SUN1: variants seen among roughly 807,000 people sequenced by gnomAD.
SUN1 encodes SUN domain-containing protein 1.
In SUN1, 61 loss-of-function variants were observed where a neutral mutation model predicts 103.2. That is an observed-to-expected ratio of 0.59 (90% CI 0.48 to 0.73). The LOEUF (loss-of-function observed/expected upper bound fraction) is 0.73, where lower values mean the gene tolerates loss of function less well. SUN1 is among the 30% of genes least tolerant of loss of function. The probability of loss-of-function intolerance (pLI) is 0.00; values close to 1 mark genes in which losing one functional copy is unlikely to be tolerated. For synonymous variants in SUN1, 490 were observed against 425.7 expected (o/e 1.15, Z -1.86); for missense variants, 1,052 against 1,034.6 (o/e 1.02, Z -0.23).
upstream of SUN1, among the ~76,000 whole-genome samples, chr7:828,514 T>C (rs778767976): frequency 3.9e-5 from 6 of 152,116 alleles, no homozygotes; most frequent in Non-Finnish European, 5.9e-5. Context: ...TCAGGTGGTC[T>C]GCCTGCCTCT....
At chr7:822,490 C>T (rs141575547) in intron 1 of SUN1, among the ~76,000 whole-genome samples, 1 of 152,172 alleles carries the variant, frequency 6.6e-6, no homozygotes, top group Non-Finnish European at 1.5e-5. Flanking sequence ...AGACACCCCT[C>T]GGGCATGTGT....
In SUN1 at chr7:873,396, T is replaced by C; in HGVS notation, c.*65T>C. 3 of 1,405,064 alleles carry C rather than the reference T, an allele frequency of 2.1e-6. No individual in the cohort carries two copies. The highest frequency in any genetic ancestry group is 1.2e-5 in the South Asian group (1 of 86,644). The allele number at this position is 1,405,064 out of a possible 1,614,324, so 87.0% of individuals were successfully genotyped here. A position where few individuals can be genotyped will look rare whatever the true frequency, so the allele number is the denominator to read the frequency against. On this transcript the variant is annotated 3_prime_UTR_variant, in exon 19 of 19. Transcript: ENST00000401592. ...GGGACAGCGTGAAACACTGGAATCC[T>C]TCATGGACGAGGGCATATACAATGA...
At chr7:858,653 A>C (rs374674386) in intron 13 of SUN1, among the ~76,000 whole-genome samples, 3 of 152,178 alleles carry the variant, frequency 2.0e-5, no homozygotes, top group Non-Finnish European at 2.9e-5. Flanking sequence ...TATCATAGAC[A>C]TTGCTTCAAG....
intron 1 of SUN1, among the ~76,000 whole-genome samples, chr7:822,159 A>G (rs1490837850): frequency 1.3e-5 from 2 of 152,202 alleles, no homozygotes; most frequent in Non-Finnish European, 2.9e-5. Context: ...ACAGAAAATG[A>G]TGTTGCTTCT....
chr7:822,438 A>T (rs988134923), intron 1 of SUN1, among the ~76,000 whole-genome samples: 2 of 152,214 alleles, frequency 1.3e-5, no homozygotes, highest in South Asian at 2.1e-4. Context: ...CGTGGATGTC[A>T]TCACATCCAG....
chr7:845,484 A>T (rs1159956166), intron 5 of SUN1, among the ~76,000 whole-genome samples: 1 of 152,154 alleles, frequency 6.6e-6, no homozygotes, highest in East Asian at 1.9e-4. Context: ...ATCAAAGAAC[A>T]TTGGAAAATC....
rs1183061993 is a variant in SUN1 at position 873,526 on chromosome 7, G to A, written c.*195G>A. 1 of 561,416 alleles carries A rather than the reference G, an allele frequency of 1.8e-6. No homozygotes were observed. The highest frequency in any genetic ancestry group is 3.1e-6 in the Non-Finnish European group (1 of 317,476). 34.8% of individuals were successfully genotyped at this position (561,416 alleles called of 1,614,324 possible). On this transcript the variant is annotated 3_prime_UTR_variant, in exon 19 of 19. Transcript: ENST00000401592. ...CTGTTGGGTGCTCACTGCCTCTGCA[G>A]GTGCAGAGGGGTCAGCAGCAGGAGA... is the stretch of plus-strand genomic sequence containing the variant.
At chr7:863,296 G>A (rs1373937751) in intron 15 of SUN1, among the ~76,000 whole-genome samples, 1 of 151,948 alleles carries the variant, frequency 6.6e-6, no homozygotes, top group African/African-American at 2.4e-5. Flanking sequence ...TCCCGAGCTC[G>A]CCCTTGCTGC....
intron 1 of SUN1, among the ~76,000 whole-genome samples, chr7:835,197 G>GC (rs1205209006): frequency 6.6e-6 from 1 of 152,134 alleles, no homozygotes; most frequent in Non-Finnish European, 1.5e-5. Context: ...CGGGTCTTCC[G>GC]CCCCCACCCA....
chr7:849,410 G>T (rs1257211011), intron 5 of SUN1: 3 of 790,200 alleles, frequency 3.8e-6, no homozygotes, highest in Non-Finnish European at 5.7e-6. Flanking sequence ...GAACTCTGTG[G>T]AAGTGGCTAG....
intron 1 of SUN1, among the ~76,000 whole-genome samples, chr7:838,439 A>G (rs560473738): frequency 1.7e-3 from 256 of 152,318 alleles, no homozygotes; most frequent in South Asian, 6.8e-3. Context: ...ACGTCCGCGT[A>G]GTGTTGACGA....
rs1843486774 is a variant in SUN1, at chr7:874,892, TTTTAAAAGGGCATGGGA to T, written c.*1563_*1579del. On this transcript the variant is annotated 3_prime_UTR_variant, in exon 19 of 19. Transcript: ENST00000401592. ...AGAGGTTTAAATAAAGAGTTTTAATTTTTAAAAGGGCATGGGATATAAACAGTCTATTTCTTTTCTCA... is the reference window on the plus strand; with the variant it reads ...AGAGGTTTAAATAAAGAGTTTTAATTTATAAACAGTCTATTTCTTTTCTCA... 2 of 152,234 alleles carry T rather than the reference TTTTAAAAGGGCATGGGA, an allele frequency of 1.3e-5. No homozygotes were observed. Among genetic ancestry groups the T allele is most frequent in the Non-Finnish European group, 2.9e-5 (2 of 68,038 alleles). 9.4% of individuals were successfully genotyped at this position (152,234 alleles called of 1,614,324 possible).
exon 1 of SUN1, chr7:816,623 T>G (rs1275029151): frequency 1.6e-5 from 6 of 382,376 alleles, no homozygotes. Context: ...GCAGAGCGTC[T>G]TCTCGGGCCT....
chr7:848,464 C>T, intron 5 of SUN1: 1 of 1,364,340 alleles, frequency 7.3e-7, no homozygotes, highest in Non-Finnish European at 9.8e-7. Context: ...TGGCCAGATA[C>T]ACTGCATCAT....
At chr7:854,458 C>G (rs1377451479) in intron 10 of SUN1, among the ~76,000 whole-genome samples, 1 of 152,262 alleles carries the variant, frequency 6.6e-6, no homozygotes, top group Non-Finnish European at 1.5e-5. Flanking sequence ...ATGGTCCCAT[C>G]TCAGGTGCTC....
chr7:826,639 C>T (rs1207528545), intron 1 of SUN1, among the ~76,000 whole-genome samples: 1 of 152,140 alleles, frequency 6.6e-6, no homozygotes, highest in East Asian at 1.9e-4. Context: ...ACTGTTGTTT[C>T]AGGAGGTAGG....
intron 6 of SUN1, 164 bp downstream of exon 6, chr7:851,646 G>A: frequency 2.8e-6 from 2 of 714,018 alleles, no homozygotes; most frequent in South Asian, 1.8e-5. Flanking sequence ...TTAACTGACT[G>A]TACTTGCTGC....
At position 841,959 on chromosome 7, in the gene SUN1, C is replaced by A; in HGVS notation, c.280C>A (p.Arg94Ser). ...TTTTCTTCTTAGAACAACAAAACAG[C>A]GCAGAAGCACAAACAAATCAGCTTT... ...KNRAARTTKQ[R>S]RSTNKSAFSI... Residue 94 changes from arginine (R) to serine (S), a missense_variant, in exon 3 of 19, where the codon CGC becomes AGC. Physicochemically the swap from Arg to Ser is moderately radical, Grantham distance 110. Transcript: ENST00000401592. The A allele has an allele frequency of 1.9e-6, 3 of 1,613,986 alleles. No homozygotes were observed. Among genetic ancestry groups the A allele is most frequent in the Non-Finnish European group, 2.5e-6 (3 of 1,180,006 alleles).
intron 15 of SUN1, among the ~76,000 whole-genome samples, chr7:865,560 G>T (rs1585199241): frequency 6.6e-6 from 1 of 152,218 alleles, no homozygotes; most frequent in Admixed American, 6.5e-5. Context: ...AGAAGTGCAG[G>T]TCTGCCTTCA....
Sources: gnomAD v4.1 joint callset for allele counts (sites outside exome capture counted in the v4.1 genomes callset) on GRCh38, gnomAD v4.1.1 for gene constraint, MANE v1.5 for transcripts, NCBI Gene and HGNC (gene_info 2026-07-23, HGNC 2026-07-21) for gene names.